Variants in NR2F1-AS1 observed in about 807,000 individuals in gnomAD.
NR2F1-AS1 encodes NR2F1 antisense RNA 1.
intron 4 of NR2F1-AS1, among the ~76,000 whole-genome samples, chr5:93,488,370 C>T (rs184666052): frequency 2.9e-4 from 44 of 152,238 alleles, no homozygotes; most frequent in African/African-American, 1.0e-3. Context: ...CCAGAATCTA[C>T]AAGGAACTTA....
chr5:93,574,151 C>T (rs748987693), intron 1 of NR2F1-AS1, among the ~76,000 whole-genome samples: 1 of 152,166 alleles, frequency 6.6e-6, no homozygotes, highest in East Asian at 1.9e-4. Context: ...GCCTTTGCCA[C>T]GAAGGGACTT....
At chr5:93,434,690 C>T (rs2149848420) in intron 4 of NR2F1-AS1, among the ~76,000 whole-genome samples, 1 of 152,248 alleles carries the variant, frequency 6.6e-6, no homozygotes, top group Admixed American at 6.5e-5. Context: ...CAATTGTCCC[C>T]AAAATGTGCT....
intron 4 of NR2F1-AS1, among the ~76,000 whole-genome samples, chr5:93,442,679 T>C (rs1457335369): frequency 6.6e-6 from 1 of 152,140 alleles, no homozygotes; most frequent in African/African-American, 2.4e-5. Context: ...GTCTGACAGA[T>C]TTGAAGAGAG....
At chr5:93,440,218 T>TCACACA (rs1308034701) in intron 4 of NR2F1-AS1, among the ~76,000 whole-genome samples, 27 of 149,042 alleles carry the variant, frequency 1.8e-4, no homozygotes, top group Middle Eastern at 3.4e-3. Context: ...TCTCTCTCTC[T>TCACACA]CACACACACA....
At chr5:93,424,001 A>G (rs1006463243) in intron 4 of NR2F1-AS1, among the ~76,000 whole-genome samples, 2 of 152,088 alleles carry the variant, frequency 1.3e-5, no homozygotes, top group African/African-American at 4.8e-5. Flanking sequence ...TGGGGGACAT[A>G]TTTTTCACAC....
chr5:93,471,038 T>C (rs1750354356), intron 4 of NR2F1-AS1, among the ~76,000 whole-genome samples: 1 of 151,830 alleles, frequency 6.6e-6, no homozygotes, highest in African/African-American at 2.4e-5. Context: ...ACTTTAAAAG[T>C]TAAAGATATA....
intron 4 of NR2F1-AS1, among the ~76,000 whole-genome samples, chr5:93,504,576 A>G (rs756285883): frequency 6.6e-6 from 1 of 152,176 alleles, no homozygotes; most frequent in East Asian, 1.9e-4. Flanking sequence ...AAAAGAATTG[A>G]AAGAATTGAA....
At chr5:93,480,351 G>A (rs1750575742) in intron 4 of NR2F1-AS1, among the ~76,000 whole-genome samples, 1 of 152,090 alleles carries the variant, frequency 6.6e-6, no homozygotes, top group African/African-American at 2.4e-5. Context: ...GGTCAAAAGG[G>A]AGTGGAATAA....
chr5:93,569,976 G>C (rs946738977), intron 1 of NR2F1-AS1: 1 of 152,228 alleles, frequency 6.6e-6, no homozygotes, highest in Non-Finnish European at 1.5e-5. Flanking sequence ...CTGGAGGATG[G>C]TAGTATTTCC....
chr5:93,480,636 T>G (rs1403254381), intron 4 of NR2F1-AS1, among the ~76,000 whole-genome samples: 1 of 152,134 alleles, frequency 6.6e-6, no homozygotes, highest in Non-Finnish European at 1.5e-5. Flanking sequence ...AATTTCCCTT[T>G]TCATTTCCTG....
chr5:93,529,799 C>A (rs1378094511), intron 4 of NR2F1-AS1, among the ~76,000 whole-genome samples: 1 of 152,054 alleles, frequency 6.6e-6, no homozygotes, highest in African/African-American at 2.4e-5. Context: ...CTATTTTGTA[C>A]AATAGTCACA....
intron 4 of NR2F1-AS1, among the ~76,000 whole-genome samples, chr5:93,519,031 T>C (rs1054391109): frequency 1.1e-4 from 17 of 152,062 alleles, no homozygotes; most frequent in Admixed American, 5.9e-4. Context: ...GATTAGAATC[T>C]AAAGTCAGCA....
At chr5:93,558,413 T>C (rs1752412258) in intron 2 of NR2F1-AS1, among the ~76,000 whole-genome samples, 1 of 150,436 alleles carries the variant, frequency 6.6e-6, no homozygotes, top group African/African-American at 2.4e-5. Context: ...CTCCACCCCC[T>C]GGGTTCAAGC....
intron 4 of NR2F1-AS1, among the ~76,000 whole-genome samples, chr5:93,492,366 A>G (rs1750869577): frequency 6.6e-6 from 1 of 152,234 alleles, no homozygotes; most frequent in African/African-American, 2.4e-5. Flanking sequence ...TTTTGAGCTA[A>G]TTAGATAGAC....
At chr5:93,565,867 G>T (rs1454409862) in intron 1 of NR2F1-AS1, among the ~76,000 whole-genome samples, 1 of 151,474 alleles carries the variant, frequency 6.6e-6, no homozygotes, top group Non-Finnish European at 1.5e-5. Context: ...ATCTAACTTA[G>T]TAAAATATAA....
intron 4 of NR2F1-AS1, among the ~76,000 whole-genome samples, chr5:93,518,174 G>C (rs1207763620): frequency 1.3e-5 from 2 of 151,968 alleles, no homozygotes; most frequent in Non-Finnish European, 2.9e-5. Flanking sequence ...TTGAAATTTA[G>C]GCTCATGAGA....
chr5:93,458,801 G>C (rs1366341934), intron 4 of NR2F1-AS1, among the ~76,000 whole-genome samples: 2 of 152,122 alleles, frequency 1.3e-5, no homozygotes, highest in African/African-American at 2.4e-5. Context: ...CTTGAGGTCA[G>C]GAGTTTGAGA....
chr5:93,422,967 G>A (rs573988998), intron 4 of NR2F1-AS1, among the ~76,000 whole-genome samples: 1 of 152,122 alleles, frequency 6.6e-6, no homozygotes, highest in Admixed American at 6.6e-5. Flanking sequence ...CCTGAAGCTG[G>A]ACATCAAAAC....
At position 93,428,025 on chromosome 5, in the gene NR2F1-AS1, A is replaced by G. The variant is rs1479341247; in HGVS notation, n.639-32483T>C. Among the ~76,000 whole-genome samples the G allele has an allele frequency of 2.0e-5, 3 of 152,182 alleles. No individual in the cohort carries two copies. In the East Asian group the frequency reaches 5.8e-4, roughly 29 times the overall value. On this transcript the variant is annotated intron_variant and non_coding_transcript_variant, in intron 4 of 5. Coordinates refer to ENST00000660523, the Ensembl canonical transcript of NR2F1-AS1. ...TAGTCCAATTCTGGGTCCACTTCAT[A>G]AACTATATCAAAATGCTAAATATAG...
Sources: gnomAD v4.1 joint callset for allele counts (sites outside exome capture counted in the v4.1 genomes callset) on GRCh38, gnomAD v4.1.1 for gene constraint, MANE v1.5 for transcripts, NCBI Gene and HGNC (gene_info 2026-07-23, HGNC 2026-07-21) for gene names.